PAIP2: variants seen among roughly 807,000 people sequenced by gnomAD.
PAIP2 encodes the protein polyadenylate-binding protein-interacting protein 2.
Under a neutral mutation model 14.8 loss-of-function variants are expected in PAIP2, and 7 were observed. The ratio of observed to expected loss-of-function variants is 0.47; its 90% confidence interval spans 0.27 to 0.89. The LOEUF is 0.89. Among genes scored for constraint, PAIP2 ranks in the 40% least tolerant of loss-of-function variants. The pLI, the probability that PAIP2 is intolerant of heterozygous loss-of-function variation, is 0.13. For missense variants in PAIP2, 122 were observed against 154.7 expected (o/e 0.79, Z 1.12); for synonymous variants, 47 against 45.3 (o/e 1.04, Z -0.15).
intron 1 of PAIP2, among the ~76,000 whole-genome samples, chr5:139,356,439 A>G (rs560216681): frequency 2.6e-5 from 4 of 151,376 alleles, no homozygotes; most frequent in Admixed American, 6.6e-5. Flanking sequence ...AGAGCAAAAC[A>G]CTCCTCGTCA....
At chr5:139,343,755 GGCTGGAGT>G (rs1226588215) in intron 1 of PAIP2, among the ~76,000 whole-genome samples, 3 of 141,774 alleles carry the variant, frequency 2.1e-5, no homozygotes, top group South Asian at 2.2e-4. Context: ...TCTGTCGCCA[GGCTGGAGT>G]GCTGGAGTGC....
At chr5:139,346,030 A>G (rs1756534931) in intron 1 of PAIP2, among the ~76,000 whole-genome samples, 1 of 152,184 alleles carries the variant, frequency 6.6e-6, no homozygotes, top group Admixed American at 6.6e-5. Flanking sequence ...ACAATATAAA[A>G]GGACACTGCT....
intron 1 of PAIP2, among the ~76,000 whole-genome samples, chr5:139,347,337 G>C (rs1181927194): frequency 7.0e-6 from 1 of 143,258 alleles, no homozygotes; most frequent in Non-Finnish European, 1.5e-5. Context: ...GCAGTGGCGC[G>C]ATCTTGGCTC....
At chr5:139,344,656 A>G (rs1000889839) in intron 1 of PAIP2, among the ~76,000 whole-genome samples, 3 of 152,100 alleles carry the variant, frequency 2.0e-5, no homozygotes, top group African/African-American at 7.2e-5. Context: ...TTCTTATATC[A>G]GTTTGTATAA....
chr5:139,358,370 C>T (rs1255924004), intron 1 of PAIP2, among the ~76,000 whole-genome samples: 1 of 152,134 alleles, frequency 6.6e-6, no homozygotes, highest in Non-Finnish European at 1.5e-5. Flanking sequence ...ATATATACCA[C>T]ATTAGCAGTG....
intron 3 of PAIP2, among the ~76,000 whole-genome samples, chr5:139,368,158 A>T (rs1471440555): frequency 6.6e-6 from 1 of 152,042 alleles, no homozygotes; most frequent in East Asian, 1.9e-4. Context: ...ACATGGTGAA[A>T]CCCCGTCTTT....
At chr5:139,357,724 G>A (rs1377837769) in intron 1 of PAIP2, among the ~76,000 whole-genome samples, 4 of 152,206 alleles carry the variant, frequency 2.6e-5, no homozygotes, top group African/African-American at 9.7e-5. Context: ...CCAGCTACTT[G>A]TGAGGCTGAG....
intron 1 of PAIP2, among the ~76,000 whole-genome samples, chr5:139,344,593 G>A (rs1325099788): frequency 1.3e-5 from 2 of 152,154 alleles, no homozygotes; most frequent in Non-Finnish European, 2.9e-5. Context: ...CTGTGTAGCC[G>A]ATGGCCACCA....
At chr5:139,361,993 C>T (rs1382731657) in intron 1 of PAIP2, among the ~76,000 whole-genome samples, 1 of 148,788 alleles carries the variant, frequency 6.7e-6, no homozygotes, top group Admixed American at 6.7e-5. Context: ...GAACTCCAGA[C>T]ATGGAAGAAC....
At position 139,368,714 on chromosome 5, in the gene PAIP2, T is replaced by A; in HGVS notation, c.319-19T>A. 1 of 1,597,170 alleles carries A rather than the reference T, an allele frequency of 6.3e-7. No individual in the cohort carries two copies. Among genetic ancestry groups the A allele is most frequent in the Non-Finnish European group, 8.6e-7 (1 of 1,165,030 alleles). On this transcript the variant is annotated intron_variant, in intron 3 of 3. Coordinates refer to ENST00000265192, the MANE Select transcript of PAIP2 (RefSeq NM_016480.5). ...AAACTGTGTTAATGAACTTGCTTTTTTATGTACTTATTTTCCAGGTCAAGA... is the reference window on the plus strand; with the variant it reads ...AAACTGTGTTAATGAACTTGCTTTTATATGTACTTATTTTCCAGGTCAAGA...
chr5:139,368,718 G>T lies in PAIP2; in HGVS notation c.319-15G>T. 1 of 1,596,220 alleles carries T rather than the reference G, an allele frequency of 6.3e-7. No homozygotes were observed. Among genetic ancestry groups the T allele is most frequent in the Non-Finnish European group, 8.6e-7 (1 of 1,165,732 alleles). ...TGTGTTAATGAACTTGCTTTTTTAT[G>T]TACTTATTTTCCAGGTCAAGAGCAA... is the stretch of plus-strand genomic sequence containing the variant. On this transcript the variant is annotated splice_polypyrimidine_tract_variant and intron_variant, in intron 3 of 3. Coordinates refer to ENST00000265192, the MANE Select transcript of PAIP2 (RefSeq NM_016480.5).
chr5:139,368,071 T>C (rs751264533), intron 3 of PAIP2, among the ~76,000 whole-genome samples: 67 of 151,876 alleles, frequency 4.4e-4, no homozygotes, highest in African/African-American at 7.5e-4. Context: ...CGCGGTGGCT[T>C]ACGCCTGTAA....
At chr5:139,349,411 G>A (rs1756658467) in intron 1 of PAIP2, among the ~76,000 whole-genome samples, 1 of 151,974 alleles carries the variant, frequency 6.6e-6, no homozygotes, top group African/African-American at 2.4e-5. Flanking sequence ...ACCATGCCTG[G>A]CTAATTTTTG....
chr5:139,365,012 C>T (rs926182391), intron 3 of PAIP2: 1 of 210,872 alleles, frequency 4.7e-6, no homozygotes. Flanking sequence ...GGCATGGTAG[C>T]ACATGCCTGT....
At chr5:139,365,663 C>CA (rs58393182) in intron 3 of PAIP2, among the ~76,000 whole-genome samples, 3,786 of 127,286 alleles carry the variant, frequency 0.03, 99 homozygotes, top group African/African-American at 0.076. Context: ...AAGACTGTCT[C>CA]AAAAAAAAAA....
At chr5:139,365,949 C>T (rs1215816291) in intron 3 of PAIP2, among the ~76,000 whole-genome samples, 1 of 152,128 alleles carries the variant, frequency 6.6e-6, no homozygotes, top group Non-Finnish European at 1.5e-5. Context: ...TGCCTGTAAT[C>T]CCAACACTTT....
chr5:139,362,524 C>T (rs892444209), intron 1 of PAIP2, among the ~76,000 whole-genome samples: 6 of 151,280 alleles, frequency 4.0e-5, no homozygotes, highest in Non-Finnish European at 8.8e-5. Context: ...AATTCTCCTG[C>T]CTCAGCCTCC....
chr5:139,353,679 C>T (rs1756820767), intron 1 of PAIP2, among the ~76,000 whole-genome samples: 1 of 151,514 alleles, frequency 6.6e-6, no homozygotes, highest in Non-Finnish European at 1.5e-5. Context: ...CATTGTATGT[C>T]CATTAACATA....
chr5:139,349,902 T>C (rs1461279466), intron 1 of PAIP2, among the ~76,000 whole-genome samples: 2 of 152,042 alleles, frequency 1.3e-5, no homozygotes, highest in Admixed American at 1.3e-4. Flanking sequence ...CTCGGGAGGC[T>C]GAGGCAGGAG....
Sources: allele counts gnomAD v4.1 joint callset (sites outside exome capture counted in the v4.1 genomes callset), GRCh38; gene constraint gnomAD v4.1.1; transcripts MANE v1.5; gene names NCBI Gene and HGNC (gene_info 2026-07-23, HGNC 2026-07-21).